The following RGS6 variants were observed in gnomAD, a reference collection of about 807,000 sequenced individuals.
RGS6 encodes the protein regulator of G-protein signaling 6.
RGS6 carries 30 observed loss-of-function variants against 78.5 expected under a neutral mutation model. The observed-to-expected ratio is 0.38, with a 90% confidence interval of 0.29 to 0.52. The LOEUF (loss-of-function observed/expected upper bound fraction) is 0.52. RGS6 is among the 20% of genes least tolerant of loss of function. RGS6 has a pLI of 0.85. For missense variants in RGS6, 495 were observed against 609.7 expected (o/e 0.81, Z 1.98); for synonymous variants, 206 against 206.0 (o/e 1.00, Z 0.00).
At chr14:72,584,440 G>A in the RGS6 span, among the ~76,000 whole-genome samples, 8 of 152,314 alleles carry the variant, frequency 5.3e-5, no homozygotes, top group African/African-American at 1.9e-4. Flanking sequence ...GATAGGGACT[G>A]GATGGCTACT....
the RGS6 span, among the ~76,000 whole-genome samples, chr14:71,918,009 T>A: frequency 1.3e-5 from 2 of 151,448 alleles, no homozygotes; most frequent in African/African-American, 4.9e-5. Flanking sequence ...CCGTCTCTAC[T>A]GAAAATACAA....
chr14:72,549,272 C>T (rs2097461022), intron 17 of RGS6, among the ~76,000 whole-genome samples: 1 of 151,822 alleles, frequency 6.6e-6, no homozygotes, highest in Admixed American at 6.6e-5. Context: ...TTTGCTGCCG[C>T]AGCAGCTGAG....
intron 1 of RGS6, among the ~76,000 whole-genome samples, chr14:71,964,556 G>A (rs948511577): frequency 6.6e-6 from 1 of 152,088 alleles, no homozygotes; most frequent in Admixed American, 6.5e-5. Flanking sequence ...TGGGGTGTGC[G>A]ATTCTGAGCT....
chr14:72,557,457 A>G (rs1417700346), intron 17 of RGS6, among the ~76,000 whole-genome samples: 2 of 152,326 alleles, frequency 1.3e-5, no homozygotes, highest in East Asian at 3.9e-4. Flanking sequence ...CGATGAAGTC[A>G]GGCAGGCCTT....
At chr14:72,037,264 G>C (rs76187636) in intron 2 of RGS6, among the ~76,000 whole-genome samples, 1 of 152,130 alleles carries the variant, frequency 6.6e-6, no homozygotes, top group East Asian at 1.9e-4. Flanking sequence ...CAACCTGCTC[G>C]GGTCCCTTCC....
At chr14:72,412,110 T>C (rs981623695) in intron 3 of RGS6, among the ~76,000 whole-genome samples, 2 of 152,222 alleles carry the variant, frequency 1.3e-5, no homozygotes, top group African/African-American at 4.8e-5. Flanking sequence ...TTCCGTCTTT[T>C]TCTATTGACT....
chr14:71,873,683 T>A, the RGS6 span, among the ~76,000 whole-genome samples: 2 of 152,238 alleles, frequency 1.3e-5, no homozygotes, highest in South Asian at 2.1e-4. Context: ...TTGTTGCCAC[T>A]GCTTTTGGTG....
upstream of RGS6, among the ~76,000 whole-genome samples, chr14:71,929,898 C>T (rs1203348737): frequency 6.6e-6 from 1 of 152,194 alleles, no homozygotes; most frequent in Non-Finnish European, 1.5e-5. Context: ...CCAACAGGAA[C>T]CCCTTCAAGC....
At chr14:72,626,964 T>C in the RGS6 span, among the ~76,000 whole-genome samples, 1 of 151,800 alleles carries the variant, frequency 6.6e-6, no homozygotes, top group Non-Finnish European at 1.5e-5. Flanking sequence ...CATTTTTATA[T>C]CTTTTGTGGG....
Position 72,022,021 on chromosome 14 carries a change from C to T in RGS6, c.84+57146C>T, listed in dbSNP as rs796081774. 5.9e-5 allele frequency among the ~76,000 whole-genome samples: 9 copies of T among 152,072 alleles called. 1 individual carries two copies. Among genetic ancestry groups the T allele is most frequent in the South Asian group, 2.1e-4 (1 of 4,804 alleles). ...GCTCCCACTTATAAGAGAGAACATGCGGTATTTGGTTTTCTGTTCCTGTGT... is the reference window on the plus strand; with the variant it reads ...GCTCCCACTTATAAGAGAGAACATGTGGTATTTGGTTTTCTGTTCCTGTGT... On this transcript the variant is annotated intron_variant, in intron 2 of 17. Transcript: ENST00000553525.
chr14:72,015,073 A>G (rs2086663584), intron 2 of RGS6, among the ~76,000 whole-genome samples: 1 of 152,214 alleles, frequency 6.6e-6, no homozygotes, highest in African/African-American at 2.4e-5. Context: ...TAATTAATAA[A>G]GAAAAGAAGT....
At chr14:72,482,918 G>A (rs1034987523) in intron 12 of RGS6, among the ~76,000 whole-genome samples, 5 of 152,200 alleles carry the variant, frequency 3.3e-5, no homozygotes, top group Non-Finnish European at 5.9e-5. Flanking sequence ...TAAAGCAAGT[G>A]TGAAAAGTCT....
At chr14:72,131,936 T>C (rs959784588) in intron 2 of RGS6, among the ~76,000 whole-genome samples, 2 of 152,314 alleles carry the variant, frequency 1.3e-5, no homozygotes, top group East Asian at 1.9e-4. Context: ...TTTTTAAAAA[T>C]GTACAGCAAA....
chr14:72,499,001 G>A (rs1400797753), intron 13 of RGS6, among the ~76,000 whole-genome samples: 2 of 152,182 alleles, frequency 1.3e-5, no homozygotes, highest in Admixed American at 1.3e-4. Context: ...AGGTGGCAAT[G>A]GGAGTCTTGG....
intron 2 of RGS6, among the ~76,000 whole-genome samples, chr14:72,166,091 GAGACAC>G (rs2096921437): frequency 1.8e-5 from 2 of 109,128 alleles, no homozygotes; most frequent in African/African-American, 7.6e-5. Context: ...TCCCATTTTT[GAGACAC>G]ACACACACAC....
chr14:71,912,334 G>A, the RGS6 span, among the ~76,000 whole-genome samples: 15 of 152,316 alleles, frequency 9.8e-5, no homozygotes, highest in African/African-American at 3.4e-4. Context: ...TTTTGACCAA[G>A]AGGGGGCCTG....
chr14:72,279,788 T>A (rs1447115467), intron 2 of RGS6, among the ~76,000 whole-genome samples: 2 of 152,100 alleles, frequency 1.3e-5, no homozygotes. Context: ...GGGTGGCAAT[T>A]GAGATAGATG....
intron 3 of RGS6, among the ~76,000 whole-genome samples, chr14:72,437,702 A>G (rs57365949): frequency 0.43 from 64,921 of 151,952 alleles, 14,503 homozygotes; most frequent in East Asian, 0.79. Context: ...TCTTGGTCTG[A>G]AGTTGATCAA....
At chr14:72,531,578 C>A (rs999041880) in intron 15 of RGS6, among the ~76,000 whole-genome samples, 1 of 152,022 alleles carries the variant, frequency 6.6e-6, no homozygotes, top group Non-Finnish European at 1.5e-5. Context: ...AAACAAGATT[C>A]TTTGGGTTCC....
Sources: gnomAD v4.1 joint callset for allele counts (sites outside exome capture counted in the v4.1 genomes callset) on GRCh38, gnomAD v4.1.1 for gene constraint, MANE v1.5 for transcripts, NCBI Gene and HGNC (gene_info 2026-07-23, HGNC 2026-07-21) for gene names.